Variants in SPATA6 observed in about 807,000 individuals in gnomAD.
SPATA6 encodes spermatogenesis-associated protein 6.
In SPATA6, 56 loss-of-function variants were observed where a neutral mutation model predicts 65.3. That is an observed-to-expected ratio of 0.86 (90% CI 0.69 to 1.07). The LOEUF is 1.07. Among genes scored for constraint, SPATA6 ranks in the 50% least tolerant of loss-of-function variants. The probability of loss-of-function intolerance (pLI) is 0.00; values close to 1 mark genes in which losing one functional copy is unlikely to be tolerated. For missense variants in SPATA6, 590 were observed against 594.8 expected, an observed-to-expected ratio of 0.99 and a Z score of 0.08; for synonymous variants, 199 against 213.2, an observed-to-expected ratio of 0.93 and a Z score of 0.58.
At chr1:48,469,499 T>C (rs1193112812) in intron 1 of SPATA6, among the ~76,000 whole-genome samples, 1 of 141,090 alleles carries the variant, frequency 7.1e-6, no homozygotes, top group Non-Finnish European at 1.5e-5. Context: ...TATATATATA[T>C]GTTGTGTGGT....
chr1:48,450,023 T>C (rs939218490), intron 3 of SPATA6, among the ~76,000 whole-genome samples: 1 of 151,866 alleles, frequency 6.6e-6, no homozygotes, highest in African/African-American at 2.4e-5. Flanking sequence ...TATTATAAAC[T>C]CGCTCATTTT....
At position 48,300,291 on chromosome 1, in the gene SPATA6, A is replaced by G. The variant is rs78383994; in HGVS notation, c.1287-1398T>C. Among the ~76,000 whole-genome samples the G allele has an allele frequency of 3.0e-4, 45 of 152,298 alleles. No individual in the cohort carries two copies. The East Asian group carries it at 8.1e-3, about 27-fold the overall frequency. On this transcript the variant is annotated intron_variant, in intron 12 of 12. Transcript: ENST00000371847. Reference sequence around the variant, plus strand: ...TCTTCAAGGTCAATGAAATACTTTTATAGATTAGACCTTCCAGGCCTGTTA... The same window carrying G: ...TCTTCAAGGTCAATGAAATACTTTTGTAGATTAGACCTTCCAGGCCTGTTA...
Position 48,346,129 on chromosome 1 carries a change from G to A in SPATA6, c.1194+9541C>T, listed in dbSNP as rs193040317. Among the ~76,000 whole-genome samples, 718 of 152,044 alleles carry A rather than the reference G, an allele frequency of 4.7e-3. 1 individual carries two copies. The highest frequency in any genetic ancestry group is 6.4e-3 in the African/African-American group (266 of 41,514). The stretch of plus-strand genomic sequence containing the variant: ...CAGCAGCTCATCAAAAAGCTTAGCC[G>A]CCACATTCAAGTAGACTTTATCCAG... On this transcript the variant is annotated intron_variant, in intron 11 of 12. Transcript: ENST00000371847.
chr1:48,358,304 C>T (rs539431469), intron 10 of SPATA6, among the ~76,000 whole-genome samples: 2 of 151,000 alleles, frequency 1.3e-5, no homozygotes, highest in East Asian at 1.9e-4. Flanking sequence ...GAGAGTTCTG[C>T]AAAATATGTG....
chr1:48,405,958 T>C (rs1221740367), intron 5 of SPATA6, among the ~76,000 whole-genome samples: 2 of 152,108 alleles, frequency 1.3e-5, no homozygotes, highest in African/African-American at 2.4e-5. Context: ...ATCCAGGATG[T>C]TGGCATCTAA....
At chr1:48,469,351 G>T (rs553268932) in intron 1 of SPATA6, among the ~76,000 whole-genome samples, 4 of 152,082 alleles carry the variant, frequency 2.6e-5, no homozygotes, top group South Asian at 4.1e-4. Context: ...CATTTAAAAA[G>T]TTGGGGAGAA....
chr1:48,295,831 G>A lies in SPATA6; in HGVS notation c.*2882C>T, dbSNP rs1644804004. The A allele has an allele frequency of 6.6e-6, 1 of 152,064 alleles. No individual in the cohort carries two copies. Among genetic ancestry groups the A allele is most frequent in the Non-Finnish European group, 1.5e-5 (1 of 67,988 alleles). The allele number at this position is 152,064 out of a possible 1,614,324, so 9.4% of individuals were successfully genotyped here. A position where few individuals can be genotyped will look rare whatever the true frequency, so the allele number is the denominator to read the frequency against. On this transcript the variant is annotated 3_prime_UTR_variant, in exon 13 of 13. Transcript: ENST00000371847. ...TCTTTGGAAATCAGAAAACAACTCT[G>A]CCTGCCTAGGACTTCCTGATCGTAC...
rs1242545121 is a variant in SPATA6, at chr1:48,325,540, T to A, written c.1195-19662A>T. On this transcript the variant is annotated intron_variant, in intron 11 of 12. Transcript: ENST00000371847. ...CTGAATGTCACCCGGGAGTTCTTCC[T>A]CTTCCTCTTTGGTCTTGGAATGTTA... is the stretch of plus-strand genomic sequence containing the variant. 35 of 1,193,422 alleles carry A rather than the reference T, an allele frequency of 2.9e-5. No individual in the cohort carries two copies. In the Admixed American group the frequency reaches 5.6e-4, roughly 19 times the overall value. The allele number at this position is 1,193,422 out of a possible 1,614,324, so 73.9% of individuals were successfully genotyped here. A position where few individuals can be genotyped will look rare whatever the true frequency, so the allele number is the denominator to read the frequency against.
intron 3 of SPATA6, chr1:48,437,187 T>A: frequency 6.2e-7 from 1 of 1,611,860 alleles, no homozygotes; most frequent in Non-Finnish European, 8.5e-7. Context: ...CAGAATGTGA[T>A]TTTCCTGATG....
At chr1:48,350,265 T>G (rs1570247965) in intron 11 of SPATA6, among the ~76,000 whole-genome samples, 1 of 151,728 alleles carries the variant, frequency 6.6e-6, no homozygotes, top group East Asian at 1.9e-4. Flanking sequence ...ATTTATTTTT[T>G]TTGTTAAGTT....
At chr1:48,448,491 G>GGAA (rs1656274058) in intron 3 of SPATA6, among the ~76,000 whole-genome samples, 1 of 126,230 alleles carries the variant, frequency 7.9e-6, no homozygotes, top group Non-Finnish European at 1.8e-5. Context: ...TGTCCCCACA[G>GGAA]GAAAAAAAAA....
intron 7 of SPATA6, among the ~76,000 whole-genome samples, chr1:48,395,923 G>A (rs1650542518): frequency 6.6e-6 from 1 of 151,704 alleles, no homozygotes; most frequent in South Asian, 2.1e-4. Flanking sequence ...TCAACAGAAT[G>A]AAAAGGCAAC....
chr1:48,374,311 T>TAAA (rs776265583), intron 9 of SPATA6, among the ~76,000 whole-genome samples: 1 of 139,354 alleles, frequency 7.2e-6, no homozygotes, highest in Non-Finnish European at 1.6e-5. Flanking sequence ...TGTAATTTTA[T>TAAA]AAAAAAAAAA....
Position 48,403,730 on chromosome 1 carries a change from A to G in SPATA6, c.486+72T>C, listed in dbSNP as rs544636269. On this transcript the variant is annotated intron_variant, in intron 6 of 12. Transcript: ENST00000371847. ...AAAAGAGCTGCAGCCAAAATAAATA[A>G]CGCTTGCCAAAAGGCCACAAATATG... 55 of 1,252,972 alleles carry G rather than the reference A, an allele frequency of 4.4e-5. 1 individual carries two copies. In the South Asian group the frequency reaches 8.0e-4, roughly 18 times the overall value. 77.6% of individuals were successfully genotyped at this position (1,252,972 alleles called of 1,614,324 possible).
At chr1:48,360,259 T>C (rs921912683) in intron 9 of SPATA6, among the ~76,000 whole-genome samples, 1 of 151,632 alleles carries the variant, frequency 6.6e-6, no homozygotes, top group Non-Finnish European at 1.5e-5. Flanking sequence ...AAAATATATA[T>C]TCTAATAAGA....
intron 3 of SPATA6, among the ~76,000 whole-genome samples, chr1:48,442,717 T>TAAAAAAAAAAAAAAAAAAAAA (rs71056669): frequency 8.7e-5 from 4 of 46,218 alleles, no homozygotes; most frequent in African/African-American, 2.7e-4. Context: ...ATGGAAGTAG[T>TAAAAAAAAAAAAAAAAAAAAA]AAAAAAAAAA....
At chr1:48,310,674 A>AG (rs1645182559) in intron 11 of SPATA6, among the ~76,000 whole-genome samples, 1 of 152,212 alleles carries the variant, frequency 6.6e-6, no homozygotes, top group South Asian at 2.1e-4. Flanking sequence ...AATGAACAGA[A>AG]CAATCAGGCA....
At chr1:48,437,343 A>G in intron 3 of SPATA6, 2 of 1,499,252 alleles carry the variant, frequency 1.3e-6, no homozygotes, top group South Asian at 2.7e-5. Context: ...GCACTGGAGA[A>G]TCTATTATTT....
chr1:48,285,450 C>T, the SPATA6 span, among the ~76,000 whole-genome samples: 4 of 147,804 alleles, frequency 2.7e-5, no homozygotes, highest in African/African-American at 1.0e-4. Flanking sequence ...TTGTGTCTCA[C>T]TGACATTCCA....
Sources: allele counts gnomAD v4.1 joint callset (sites outside exome capture counted in the v4.1 genomes callset), GRCh38; gene constraint gnomAD v4.1.1; transcripts MANE v1.5; gene names NCBI Gene and HGNC (gene_info 2026-07-23, HGNC 2026-07-21).